EP300: variants seen among roughly 807,000 people sequenced by gnomAD.
The protein encoded by EP300 is histone acetyltransferase p300.
EP300 carries 31 observed loss-of-function variants against 264.0 expected under a neutral mutation model. That is an observed-to-expected ratio of 0.12 (90% CI 0.09 to 0.16). EP300 has a LOEUF of 0.16. EP300 is among the 10% of genes least tolerant of loss of function. EP300 has a pLI of 1.00. For missense variants in EP300, 2,766 were observed against 3,052.9 expected, an observed-to-expected ratio of 0.91 and a Z score of 2.21; for synonymous variants, 1,340 against 1,045.4, an observed-to-expected ratio of 1.28 and a Z score of -5.44.
chr22:41,147,983 A>G (rs1391146153), intron 12 of EP300, 37 bp downstream of exon 12: 2 of 1,429,658 alleles, frequency 1.4e-6, no homozygotes, highest in Non-Finnish European at 1.9e-6. Flanking sequence ...TTTGGCCTTT[A>G]CCTGGTATTT....
At position 41,164,046 on chromosome 22, in the gene EP300, C is replaced by T. The variant is rs763862719; in HGVS notation, c.3729-7C>T. ...GGTTAATTTTGGAATTGGCTCTGCTCTTCCAGGTTTGTTGAATGTACAGAG... is the reference window on the plus strand; with the variant it reads ...GGTTAATTTTGGAATTGGCTCTGCTTTTCCAGGTTTGTTGAATGTACAGAG... On this transcript the variant is annotated splice_polypyrimidine_tract_variant and splice_region_variant and intron_variant, in intron 21 of 30. Coordinates refer to ENST00000263253, the MANE Select transcript of EP300 (RefSeq NM_001429.4). 4 of 1,613,960 alleles carry T rather than the reference C, an allele frequency of 2.5e-6. No homozygotes were observed. Among genetic ancestry groups the T allele is most frequent in the Admixed American group, 3.3e-5 (2 of 60,028 alleles).
At chr22:41,102,017 T>C (rs1167944645) in intron 1 of EP300, among the ~76,000 whole-genome samples, 1 of 148,602 alleles carries the variant, frequency 6.7e-6, no homozygotes, top group Non-Finnish European at 1.5e-5. Context: ...TTCTGTTGCT[T>C]TTTTTTCTTT....
In EP300 at chr22:41,178,911, A is replaced by G. The variant is rs750049502; in HGVS notation, c.7200A>G (p.Ser2400=). Residue 2400 remains serine, a synonymous_variant, in exon 31 of 31, where the codon TCA becomes TCG. Coordinates refer to ENST00000263253, the MANE Select transcript of EP300 (RefSeq NM_001429.4). The stretch of plus-strand genomic sequence containing the variant: ...ACCTGGGACTCAGCACCGATAACTC[A>G]GACTTGAATTCAAACCTCTCACAGA... ...ATDLGLSTDN[S]DLNSNLSQST... is the part of the protein sequence containing the mutation. The G allele has an allele frequency of 1.5e-5, 24 of 1,614,124 alleles. No individual in the cohort carries two copies. Among genetic ancestry groups the G allele is most frequent in the East Asian group, 4.5e-5 (2 of 44,902 alleles).
At position 41,176,870 on chromosome 22, in the gene EP300, A is replaced by G; in HGVS notation, c.5159A>G (p.Gln1720Arg). 6.2e-7 allele frequency: 1 copy of G among 1,614,152 alleles called. No individual in the cohort carries two copies. The highest frequency in any genetic ancestry group is 8.5e-7 in the Non-Finnish European group (1 of 1,179,988). Residue 1720 changes from glutamine to arginine, a missense_variant, in exon 31 of 31, where the codon CAG (glutamine) becomes CGG (arginine). By Grantham distance (43) the Gln-to-Arg change is conservative. Transcript: ENST00000263253. The part of the protein sequence containing the change: ...LGLDDESNNQ[Q>R]AAATQSPGDS... ...TTAGATGATGAGAGCAACAACCAGC[A>G]GGCTGCAGCCACCCAGAGCCCAGGC...
In EP300 at chr22:41,152,325, G is replaced by A. The variant is rs945817669; in HGVS notation, c.3117G>A (p.Pro1039=). 7 of 1,613,738 alleles carry A rather than the reference G, an allele frequency of 4.3e-6. No individual in the cohort carries two copies. Among genetic ancestry groups the A allele is most frequent in the Non-Finnish European group, 5.9e-6 (7 of 1,179,898 alleles). The part of the protein sequence containing the change: ...QPSTSATQSS[P]APGQSKKKIF... Reference sequence around the variant, plus strand: ...GTACTTCAGCTACCCAGTCATCTCCGGCTCCAGGACAGTCAAAGAAAAAGA... The same window carrying A: ...GTACTTCAGCTACCCAGTCATCTCCAGCTCCAGGACAGTCAAAGAAAAAGA... The change falls in exon 16 of 31, where the codon CCG becomes CCA. Residue 1039 remains proline, a synonymous_variant. Transcript: ENST00000263253.
chr22:41,113,099 T>C (rs2145691482), intron 1 of EP300, among the ~76,000 whole-genome samples: 1 of 151,960 alleles, frequency 6.6e-6, no homozygotes, highest in East Asian at 1.9e-4. Flanking sequence ...TACCTAAATA[T>C]GTCTTACTCT....
At chr22:41,166,302 GA>G (rs1234213122) in intron 22 of EP300, among the ~76,000 whole-genome samples, 1 of 152,128 alleles carries the variant, frequency 6.6e-6, no homozygotes, top group Non-Finnish European at 1.5e-5. Context: ...CACCTCTTAG[GA>G]TTTTTCTCCC....
chr22:41,176,237 T>C lies in EP300; in HGVS notation c.4780-10T>C, dbSNP rs760953604. The C allele has an allele frequency of 3.7e-6, 6 of 1,613,984 alleles. No homozygotes were observed. In the South Asian group the frequency reaches 5.5e-5, roughly 15 times the overall value. On this transcript the variant is annotated splice_polypyrimidine_tract_variant and intron_variant, in intron 29 of 30. Coordinates refer to ENST00000263253, the MANE Select transcript of EP300 (RefSeq NM_001429.4). Reference sequence around the variant, plus strand: ...CCTGTCTCAAAAAAAAGAGACTGTCTGTTTTTCAGGTCTTCTTTGTGATCC... The same window carrying C: ...CCTGTCTCAAAAAAAAGAGACTGTCCGTTTTTCAGGTCTTCTTTGTGATCC...
chr22:41,109,254 A>AAAAAC (rs2145686178), intron 1 of EP300, among the ~76,000 whole-genome samples: 1 of 26,886 alleles, frequency 3.7e-5, no homozygotes, highest in Admixed American at 8.5e-4. Context: ...ACCCTGTCTC[A>AAAAAC]AAAAAAAAAA....
intron 1 of EP300, among the ~76,000 whole-genome samples, chr22:41,094,140 C>G (rs1410550592): frequency 6.6e-6 from 1 of 152,136 alleles, no homozygotes; most frequent in African/African-American, 2.4e-5. Flanking sequence ...TGGTGTTATC[C>G]TGATGGGTAA....
Position 41,131,549 on chromosome 22 carries a change from A to C in EP300, c.1444A>C (p.Thr482Pro), listed in dbSNP as rs749213051. 4 of 1,614,062 alleles carry C rather than the reference A, an allele frequency of 2.5e-6. No individual in the cohort carries two copies. The highest frequency in any genetic ancestry group is 3.4e-6 in the Non-Finnish European group (4 of 1,180,026). Residue 482 changes from threonine to proline, a missense_variant, in exon 6 of 31, where the codon ACA (threonine) becomes CCA (proline). Coordinates refer to ENST00000263253, the MANE Select transcript of EP300 (RefSeq NM_001429.4). ...ACCCTATCAAGTAAATCAGATGCCG[A>C]CACAACCCCAGGTGCAAGCAAAGAA... ...GLPYQVNQMPTQPQVQAKNQQ... is the reference protein window; with the variant it reads ...GLPYQVNQMPPQPQVQAKNQQ...
At chr22:41,136,724 G>A (rs981017621) in intron 7 of EP300, among the ~76,000 whole-genome samples, 12 of 152,256 alleles carry the variant, frequency 7.9e-5, no homozygotes, top group Admixed American at 2.0e-4. Context: ...CCTGAGGTGA[G>A]CTGTGTTAAA....
chr22:41,132,125 GGCAGAGGTT>G, intron 6 of EP300, among the ~76,000 whole-genome samples: 1 of 151,162 alleles, frequency 6.6e-6, no homozygotes, highest in Non-Finnish European at 1.5e-5. Flanking sequence ...GAACCTGGGA[GGCAGAGGTT>G]GCAGTGAGCT....
chr22:41,115,048 C>T (rs971571631), intron 1 of EP300, among the ~76,000 whole-genome samples: 1 of 152,202 alleles, frequency 6.6e-6, no homozygotes, highest in Non-Finnish European at 1.5e-5. Context: ...ATCCTCTTGC[C>T]TCAGCCTCCT....
At chr22:41,126,094 A>G (rs2145708282) in intron 3 of EP300, 54 bp downstream of exon 3, 1 of 1,574,730 alleles carries the variant, frequency 6.4e-7, no homozygotes. Flanking sequence ...TGACAAAAGA[A>G]TTGTGTTAAA....
At chr22:41,166,510 CTAG>C in intron 22 of EP300, 86 bp from the exon 23 acceptor site, 1 of 1,016,180 alleles carries the variant, frequency 9.8e-7, no homozygotes, top group Non-Finnish European at 1.5e-6. Context: ...AATACTTCTG[CTAG>C]ATTGTCTTTT....
intron 1 of EP300, among the ~76,000 whole-genome samples, chr22:41,114,435 A>G (rs374724009): frequency 6.6e-6 from 1 of 152,116 alleles, no homozygotes; most frequent in Non-Finnish European, 1.5e-5. Flanking sequence ...CCTTGGCCTC[A>G]CAAAGTGTTG....
intron 1 of EP300, among the ~76,000 whole-genome samples, chr22:41,109,837 G>A (rs1448105399): frequency 6.6e-6 from 1 of 150,400 alleles, no homozygotes; most frequent in Non-Finnish European, 1.5e-5. Flanking sequence ...CCCCCAAGAT[G>A]TAGTCTTGCT....
chr22:41,152,017 G>T lies in EP300; in HGVS notation c.2997+5G>T. 1 of 1,614,158 alleles carries T rather than the reference G, an allele frequency of 6.2e-7. No individual in the cohort carries two copies. The highest frequency in any genetic ancestry group is 8.5e-7 in the Non-Finnish European group (1 of 1,180,028). On this transcript the variant is annotated splice_donor_5th_base_variant and intron_variant, in intron 15 of 30. Transcript: ENST00000263253. The stretch of plus-strand genomic sequence containing the variant: ...CAGCCGGAGGATATTTCAGAGGTGA[G>T]AGTAGGGCAATTACTGTTTGATTTG...
Sources: allele counts gnomAD v4.1 joint callset (sites outside exome capture counted in the v4.1 genomes callset), GRCh38; gene constraint gnomAD v4.1.1; transcripts MANE v1.5; gene names NCBI Gene and HGNC (gene_info 2026-07-23, HGNC 2026-07-21).